The following C12orf43 variants were observed in gnomAD, a reference collection of about 807,000 sequenced individuals.
C12orf43 encodes the protein protein CUSTOS.
In C12orf43, 15 loss-of-function variants were observed where a neutral mutation model predicts 20.6. That is an observed-to-expected ratio of 0.73 (90% CI 0.49 to 1.12). The LOEUF is 1.12. C12orf43 is among the 50% of genes most tolerant of loss of function. C12orf43 has a pLI of 0.00. For missense variants in C12orf43, 334 were observed against 344.4 expected (o/e 0.97, Z 0.24); for synonymous variants, 144 against 130.8 (o/e 1.10, Z -0.69).
chr12:121,011,477 CTT>C (rs1438743974), intron 1 of C12orf43, among the ~76,000 whole-genome samples: 1 of 148,086 alleles, frequency 6.8e-6, no homozygotes, highest in Non-Finnish European at 1.5e-5. Context: ...ATATATATAA[CTT>C]AGTTATATAT....
At chr12:121,006,097 T>C in intron 4 of C12orf43, 1 of 489,604 alleles carries the variant, frequency 2.0e-6, no homozygotes, top group East Asian at 3.5e-5. Context: ...GTGTCTGTGG[T>C]CCCAGCTACT....
At chr12:121,015,316 G>C (rs1336748983) in intron 1 of C12orf43, among the ~76,000 whole-genome samples, 1 of 152,208 alleles carries the variant, frequency 6.6e-6, no homozygotes, top group East Asian at 1.9e-4. Context: ...CAGTATGGCA[G>C]GAGGGAAGGA....
intron 1 of C12orf43, among the ~76,000 whole-genome samples, chr12:121,016,060 C>T (rs921862624): frequency 2.0e-5 from 3 of 152,170 alleles, no homozygotes; most frequent in African/African-American, 7.2e-5. Flanking sequence ...CTCGAAGAGA[C>T]GGCAGCCTTC....
intron 1 of C12orf43, 82 bp downstream of exon 1, chr12:121,016,248 T>C: frequency 6.3e-7 from 1 of 1,599,726 alleles, no homozygotes; most frequent in Non-Finnish European, 8.5e-7. Flanking sequence ...TCCCAGTGAC[T>C]CTCTCCTCAC....
rs765277274 is a variant in C12orf43, at chr12:121,010,835, G to A, written c.280C>T (p.Leu94=). The A allele has an allele frequency of 6.2e-7, 1 of 1,612,022 alleles. No homozygotes were observed. The highest frequency in any genetic ancestry group is 2.2e-5 in the East Asian group (1 of 44,814). The part of the protein sequence containing the change: ...AHVAKKLGAL[L]DSFITISEAA... ...AACTCCACCTTTGTTTACCTGTCCA[G>A]CAGGGCTCCCAGCTTCTTGGCTACG... The change falls in exon 3 of 6, where the codon CTG becomes TTG. Residue 94 remains leucine (L), a synonymous_variant. Coordinates refer to ENST00000288757, the MANE Select transcript of C12orf43 (RefSeq NM_022895.3).
chr12:121,012,611 G>A, intron 1 of C12orf43: 2 of 602,148 alleles, frequency 3.3e-6, no homozygotes, highest in East Asian at 3.1e-5. Flanking sequence ...CCAGCACTTT[G>A]GGAGGCTGAG....
intron 3 of C12orf43, among the ~76,000 whole-genome samples, chr12:121,007,913 A>G (rs1878142576): frequency 1.3e-5 from 2 of 151,954 alleles, no homozygotes; most frequent in African/African-American, 2.4e-5. Context: ...AATGGTGGCC[A>G]TCAGGGGCAT....
At position 121,004,534 on chromosome 12, in the gene C12orf43, C is replaced by T; in HGVS notation, c.453-45G>A. The T allele has an allele frequency of 6.5e-7, 1 of 1,532,148 alleles. No homozygotes were observed. Among genetic ancestry groups the T allele is most frequent in the Non-Finnish European group, 8.8e-7 (1 of 1,141,394 alleles). 94.9% of individuals were successfully genotyped at this position (1,532,148 alleles called of 1,614,324 possible). A position where few individuals can be genotyped will look rare whatever the true frequency, so the allele number is the denominator to read the frequency against. On this transcript the variant is annotated intron_variant, in intron 5 of 5. Transcript: ENST00000288757. The surrounding 1 kb of genome is among the most constrained non-coding windows in gnomAD (Gnocchi z 5.6). ...CCCTGGGTTAGCTGGAGTCAGGACA[C>T]AGCCCCAGAGCTGCCTCTCGCTGTC...
At chr12:121,015,445 T>G (rs1353018652) in intron 1 of C12orf43, among the ~76,000 whole-genome samples, 3 of 152,218 alleles carry the variant, frequency 2.0e-5, no homozygotes, top group Non-Finnish European at 4.4e-5. Flanking sequence ...CCGGTTCTCT[T>G]CTCAGAGCAA....
chr12:121,008,319 G>C (rs1224665385), intron 3 of C12orf43, among the ~76,000 whole-genome samples: 1 of 152,104 alleles, frequency 6.6e-6, no homozygotes, highest in East Asian at 1.9e-4. Flanking sequence ...ATTTTTAGTA[G>C]AGATGGGGTC....
chr12:121,000,761 A>T lies in C12orf43; in HGVS notation c.*3392T>A. 1 of 441,992 alleles carries T rather than the reference A, an allele frequency of 2.3e-6. No individual in the cohort carries two copies. The highest frequency in any genetic ancestry group is 4.3e-6 in the Non-Finnish European group (1 of 235,166). 27.4% of individuals were successfully genotyped at this position (441,992 alleles called of 1,614,324 possible). On this transcript the variant is annotated 3_prime_UTR_variant, in exon 6 of 6. Transcript: ENST00000288757. ...AGCACCTGCATTCACAGCAGCGCCT[A>T]GATTAGTGTTTGACTCAGCCTAGCC...
rs1470704046 is a variant in C12orf43 at position 121,000,827 on chromosome 12, G to A, written c.*3326C>T. On this transcript the variant is annotated 3_prime_UTR_variant, in exon 6 of 6. Transcript: ENST00000288757. ...ACTACCTACCTCGGCATCTCACCGG[G>A]GCTTCTCCAGTGTTCACACTAAGAT... 1.8e-6 allele frequency: 1 copy of A among 558,942 alleles called. No homozygotes were observed. Among genetic ancestry groups the A allele is most frequent in the African/African-American group, 1.9e-5 (1 of 53,534 alleles). 34.6% of individuals were successfully genotyped at this position (558,942 alleles called of 1,614,324 possible).
In C12orf43 at chr12:121,005,080, GA is replaced by G. The variant is rs1565893421; in HGVS notation, c.374del (p.Phe125SerfsTer69). The G allele has an allele frequency of 6.3e-6, 9 of 1,426,778 alleles. No individual in the cohort carries two copies. Among genetic ancestry groups the G allele is most frequent in the South Asian group, 3.1e-5 (2 of 64,364 alleles). 88.4% of individuals were successfully genotyped at this position (1,426,778 alleles called of 1,614,324 possible). ...VALEDDGFRLFFTSVPGGREK... is the reference protein window; with the variant it reads ...VALEDDGFRLXFTSVPGGREK... ...CACGGCCTCCAGGGACAGATGTGAA[GA>G]AAAGGCGGAAACCTAAGATTCAATG... On this transcript the variant is annotated frameshift_variant, in exon 5 of 6. Coordinates refer to ENST00000288757, the MANE Select transcript of C12orf43 (RefSeq NM_022895.3). LOFTEE classifies it high-confidence loss of function. The surrounding 1 kb of genome is among the most constrained non-coding windows in gnomAD (Gnocchi z 5.6).
rs1411899375 is a variant in C12orf43, at chr12:121,005,279, A to G, written c.362-186T>C. Among the ~76,000 whole-genome samples, 1 of 151,362 alleles carries G rather than the reference A, an allele frequency of 6.6e-6. No individual in the cohort carries two copies. The highest frequency in any genetic ancestry group is 2.5e-5 in the African/African-American group (1 of 40,804). ...AATAAAAAAATTTAAAAAAGAAACA[A>G]TAACAAAAAAACCCAACCAAGCAAA... On this transcript the variant is annotated intron_variant, in intron 4 of 5. Transcript: ENST00000288757. The surrounding 1 kb of genome is among the most constrained non-coding windows in gnomAD (Gnocchi z 5.6).
At position 121,016,370 on chromosome 12, in the gene C12orf43, G is replaced by A. The variant is rs758522019; in HGVS notation, c.105C>T (p.Gly35=). The A allele has an allele frequency of 6.2e-7, 1 of 1,613,796 alleles. No individual in the cohort carries two copies. The highest frequency in any genetic ancestry group is 8.5e-7 in the Non-Finnish European group (1 of 1,180,040). The change falls in exon 1 of 6, where the codon GGC becomes GGT. Residue 35 remains glycine (G), a synonymous_variant. Transcript: ENST00000288757. ...RCREAAMPAW[G]LEQRPHVAGK... ...CTGCCACGTGCGGGCGTTGCTCCAA[G>A]CCCCAAGCCGGCATTGCCGCCTCGC...
chr12:121,010,716 T>A lies in C12orf43; in HGVS notation c.287+112A>T, dbSNP rs540933750. The A allele has an allele frequency of 4.0e-5, 26 of 654,558 alleles. No homozygotes were observed. The African/African-American group carries it at 4.8e-4, about 12-fold the overall frequency. 40.5% of individuals were successfully genotyped at this position (654,558 alleles called of 1,614,324 possible). ...TTTATAAATGCAGGGAGATGACATA[T>A]GCCAGGTGCCTGCCACCGTGCCAGC... On this transcript the variant is annotated intron_variant, in intron 3 of 5. Coordinates refer to ENST00000288757, the MANE Select transcript of C12orf43 (RefSeq NM_022895.3).
At chr12:121,008,080 G>A (rs747055457) in intron 3 of C12orf43, among the ~76,000 whole-genome samples, 26 of 151,998 alleles carry the variant, frequency 1.7e-4, no homozygotes, top group Admixed American at 3.3e-4. Context: ...TGTCAGTAGC[G>A]CCAAGGTTGA....
rs553907978 is a variant in C12orf43, at chr12:121,010,261, C to T, written c.287+567G>A. ...GAGGCTGCAGTGAGCCAAGATTGTGCGTGCCACTGCACGCCAGCATGGGCG... is the reference window on the plus strand; with the variant it reads ...GAGGCTGCAGTGAGCCAAGATTGTGTGTGCCACTGCACGCCAGCATGGGCG... On this transcript the variant is annotated intron_variant, in intron 3 of 5. Transcript: ENST00000288757. Among the ~76,000 whole-genome samples, 7 of 152,350 alleles carry T rather than the reference C, an allele frequency of 4.6e-5. 1 individual carries two copies. In the East Asian group the frequency reaches 9.6e-4, roughly 21 times the overall value.
Position 121,016,326 on chromosome 12 carries a change from C to T in C12orf43, c.145+4G>A, listed in dbSNP as rs1199474889. 3 of 1,613,614 alleles carry T rather than the reference C, an allele frequency of 1.9e-6. No individual in the cohort carries two copies. Among genetic ancestry groups the T allele is most frequent in the Admixed American group, 1.7e-5 (1 of 60,034 alleles). Reference sequence around the variant, plus strand: ...AGCCAGTCTCCCCAAACATAGTACCCTACCGGCTCTTGGCTTCCCTGCCAC... The same window carrying T: ...AGCCAGTCTCCCCAAACATAGTACCTTACCGGCTCTTGGCTTCCCTGCCAC... On this transcript the variant is annotated splice_donor_region_variant and intron_variant, in intron 1 of 5. Coordinates refer to ENST00000288757, the MANE Select transcript of C12orf43 (RefSeq NM_022895.3).
Sources: allele counts gnomAD v4.1 joint callset (sites outside exome capture counted in the v4.1 genomes callset), GRCh38; gene constraint gnomAD v4.1.1; non-coding constraint Gnocchi (gnomAD v3.1); transcripts MANE v1.5; gene names NCBI Gene and HGNC (gene_info 2026-07-23, HGNC 2026-07-21).